TPBGL: variants seen among roughly 807,000 people sequenced by gnomAD.
The protein encoded by TPBGL is trophoblast glycoprotein-like.
For synonymous variants in TPBGL, 380 were observed against 314.8 expected (o/e 1.21, Z -2.19); for missense variants, 685 against 609.4 (o/e 1.12, Z -1.31).
At position 75,240,891 on chromosome 11, in the gene TPBGL, A is replaced by C. The variant is rs775132751; in HGVS notation, c.-159A>C. The C allele has an allele frequency of 7.3e-6, 3 of 412,902 alleles. No individual in the cohort carries two copies. The highest frequency in any genetic ancestry group is 7.0e-4 in the Middle Eastern group (1 of 1,422). The allele number at this position is 412,902 out of a possible 1,614,324, so 25.6% of individuals were successfully genotyped here. The stretch of plus-strand genomic sequence containing the variant: ...CCCTCTTGCCCCCGGCCAGTCAGCC[A>C]GTAAGTGCGGCTCCTCAGACTTTCG... On this transcript the variant is annotated 5_prime_UTR_variant, in exon 1 of 1. Transcript: ENST00000562197.
In TPBGL at chr11:75,241,319, C is replaced by T; in HGVS notation, c.270C>T (p.Gly90=). Reference sequence around the variant, plus strand: ...ACGGGGACGGCGACCAGGCGGCGGGCGTGCGCCTGCCGCTCCTGAGCGCGC... The same window carrying T: ...ACGGGGACGGCGACCAGGCGGCGGGTGTGCGCCTGCCGCTCCTGAGCGCGC... The part of the protein sequence containing the change: ...GGDGDGDQAA[G]VRLPLLSALR... Residue 90 remains glycine, a synonymous_variant, in exon 1 of 1, where the codon GGC becomes GGT. Transcript: ENST00000562197. 1 of 1,345,256 alleles carries T rather than the reference C, an allele frequency of 7.4e-7. No individual in the cohort carries two copies. The highest frequency in any genetic ancestry group is 9.5e-7 in the Non-Finnish European group (1 of 1,054,466). 83.3% of individuals were successfully genotyped at this position (1,345,256 alleles called of 1,614,324 possible).
In TPBGL at chr11:75,242,253, G is replaced by T; in HGVS notation, c.*55G>T. On this transcript the variant is annotated 3_prime_UTR_variant, in exon 1 of 1. Coordinates refer to ENST00000562197, the MANE Select transcript of TPBGL (RefSeq NM_001195528.2). ...GCCTGGCCCGAAGCCGTGGAGATGA[G>T]ACACCCGCGAGCCCCGAGCTCTGAG... 1 of 1,076,164 alleles carries T rather than the reference G, an allele frequency of 9.3e-7. No individual in the cohort carries two copies. The highest frequency in any genetic ancestry group is 4.4e-5 in the South Asian group (1 of 22,858). The allele number at this position is 1,076,164 out of a possible 1,614,324, so 66.7% of individuals were successfully genotyped here. A position where few individuals can be genotyped will look rare whatever the true frequency, so the allele number is the denominator to read the frequency against.
At position 75,243,214 on chromosome 11, in the gene TPBGL, G is replaced by T. The variant is rs1303593794; in HGVS notation, c.*1016G>T. Reference sequence around the variant, plus strand: ...GCAGATCCTTGTAGGGAAGGAGAGAGTCTTGGGTGTGTGAAAGGGATAGTG... The same window carrying T: ...GCAGATCCTTGTAGGGAAGGAGAGATTCTTGGGTGTGTGAAAGGGATAGTG... On this transcript the variant is annotated 3_prime_UTR_variant, in exon 1 of 1. Coordinates refer to ENST00000562197, the MANE Select transcript of TPBGL (RefSeq NM_001195528.2). 6.6e-6 allele frequency: 1 copy of T among 152,324 alleles called. No homozygotes were observed. The highest frequency in any genetic ancestry group is 1.5e-5 in the Non-Finnish European group (1 of 68,118). 9.4% of individuals were successfully genotyped at this position (152,324 alleles called of 1,614,324 possible). A position where few individuals can be genotyped will look rare whatever the true frequency, so the allele number is the denominator to read the frequency against.
Position 75,241,446 on chromosome 11 carries a change from C to G in TPBGL, c.397C>G (p.Leu133Val), listed in dbSNP as rs1249783352. 1.6e-6 allele frequency: 2 copies of G among 1,284,830 alleles called. No homozygotes were observed. The allele number at this position is 1,284,830 out of a possible 1,614,324, so 79.6% of individuals were successfully genotyped here. The change falls in exon 1 of 1, where the codon CTG (leucine) becomes GTG (valine). Residue 133 changes from leucine to valine, a missense_variant. By Grantham distance (32) the Leu-to-Val change is conservative. Transcript: ENST00000562197. ...LDLSHNPLRA[L>V]GGGAFRGLPA... ...CCTCAGCCACAACCCGCTGCGCGCC[C>G]TGGGCGGCGGCGCCTTCCGCGGGCT...
chr11:75,243,626 C>T lies in TPBGL; in HGVS notation c.*1428C>T, dbSNP rs1429131427. ...TTTAATATATTGGCTTGAGGCCTGC[C>T]TGCCCTCCCCATACCCAGAAAATCT... On this transcript the variant is annotated 3_prime_UTR_variant, in exon 1 of 1. Coordinates refer to ENST00000562197, the MANE Select transcript of TPBGL (RefSeq NM_001195528.2). 6.6e-6 allele frequency: 1 copy of T among 152,234 alleles called. No homozygotes were observed. Among genetic ancestry groups the T allele is most frequent in the African/African-American group, 2.4e-5 (1 of 41,444 alleles). 9.4% of individuals were successfully genotyped at this position (152,234 alleles called of 1,614,324 possible).
Position 75,241,139 on chromosome 11 carries a change from G to C in TPBGL, c.90G>C (p.Gln30His), listed in dbSNP as rs1406250690. The change falls in exon 1 of 1, where the codon CAG becomes CAC. Residue 30 changes from glutamine (Q) to histidine (H), a missense_variant. Coordinates refer to ENST00000562197, the MANE Select transcript of TPBGL (RefSeq NM_001195528.2). ...AGCCCGCGGCACCCTGCCCCTTCCA[G>C]TGCTACTGCTTCGGCGGCCCCAAGC... ...LSQPAAPCPF[Q>H]CYCFGGPKLL... The C allele has an allele frequency of 6.2e-6, 9 of 1,447,662 alleles. No individual in the cohort carries two copies. The highest frequency in any genetic ancestry group is 8.2e-6 in the Non-Finnish European group (9 of 1,101,996). The allele number at this position is 1,447,662 out of a possible 1,614,324, so 89.7% of individuals were successfully genotyped here.
rs1945607255 is a variant in TPBGL at position 75,242,195 on chromosome 11, C to T, written c.1146C>T (p.Leu382=). Residue 382 remains leucine (L), a synonymous_variant, in exon 1 of 1, where the codon CTC becomes CTT. Transcript: ENST00000562197. ...GCGCCACCTCCCCGGGCTCGGGGCT[C>T]TGAGCGGCGCCCCCGGGCTCGGGGC... ...GSRATSPGSG[L] is the part of the protein sequence containing the mutation. 8.9e-7 allele frequency: 1 copy of T among 1,120,896 alleles called. No individual in the cohort carries two copies. Among genetic ancestry groups the T allele is most frequent in the Non-Finnish European group, 1.1e-6 (1 of 919,948 alleles). The allele number at this position is 1,120,896 out of a possible 1,614,324, so 69.4% of individuals were successfully genotyped here.
rs977012242 is a variant in TPBGL at position 75,243,023 on chromosome 11, C to G, written c.*825C>G. The G allele has an allele frequency of 6.6e-6, 1 of 152,086 alleles. No individual in the cohort carries two copies. Among genetic ancestry groups the G allele is most frequent in the Admixed American group, 6.5e-5 (1 of 15,286 alleles). 9.4% of individuals were successfully genotyped at this position (152,086 alleles called of 1,614,324 possible). On this transcript the variant is annotated 3_prime_UTR_variant, in exon 1 of 1. Coordinates refer to ENST00000562197, the MANE Select transcript of TPBGL (RefSeq NM_001195528.2). ...TGCCCAAGCCTTTGGCTCTTGACCC[C>G]CCCCCCATACCCAATGCTGGCACTC...
rs1474047791 is a variant in TPBGL, at chr11:75,242,762, C to T, written c.*564C>T. Reference sequence around the variant, plus strand: ...CTCATCTAAGAATATATTTCATACCCCTGCCCCCCCTTCACCCACCCCCGC... The same window carrying T: ...CTCATCTAAGAATATATTTCATACCTCTGCCCCCCCTTCACCCACCCCCGC... On this transcript the variant is annotated 3_prime_UTR_variant, in exon 1 of 1. Coordinates refer to ENST00000562197, the MANE Select transcript of TPBGL (RefSeq NM_001195528.2). 1.3e-5 allele frequency: 2 copies of T among 151,934 alleles called. No homozygotes were observed. Among genetic ancestry groups the T allele is most frequent in the Admixed American group, 1.3e-4 (2 of 15,250 alleles). 9.4% of individuals were successfully genotyped at this position (151,934 alleles called of 1,614,324 possible).
chr11:75,242,074 A>C lies in TPBGL; in HGVS notation c.1025A>C (p.Glu342Ala), dbSNP rs1410830166. The change falls in exon 1 of 1, where the codon GAG becomes GCG. Residue 342 changes from glutamate to alanine, a missense_variant. Physicochemically the swap from Glu to Ala is moderately radical, Grantham distance 107 (BLOSUM62 -1). Transcript: ENST00000562197. Reference sequence around the variant, plus strand: ...CAGCGCTGGATGCGCAACCTGCGCGAGGCGTGCCGGGACCAGATGGAGGGC... The same window carrying C: ...CAGCGCTGGATGCGCAACCTGCGCGCGGCGTGCCGGGACCAGATGGAGGGC... ...GIQRWMRNLR[E>A]ACRDQMEGYH... 6.9e-7 allele frequency: 1 copy of C among 1,441,064 alleles called. No homozygotes were observed. The highest frequency in any genetic ancestry group is 1.8e-4 in the Middle Eastern group (1 of 5,616). 89.3% of individuals were successfully genotyped at this position (1,441,064 alleles called of 1,614,324 possible).
rs1287269877 is a variant in TPBGL at position 75,243,570 on chromosome 11, T to A, written c.*1372T>A. On this transcript the variant is annotated 3_prime_UTR_variant, in exon 1 of 1. Coordinates refer to ENST00000562197, the MANE Select transcript of TPBGL (RefSeq NM_001195528.2). ...TAGATCAGGCAGAATGGCTGGCCTG[T>A]GCTGCGTCTGCACACAGGAAGTCAC... 6.6e-6 allele frequency: 1 copy of A among 152,134 alleles called. No homozygotes were observed. The highest frequency in any genetic ancestry group is 2.1e-4 in the South Asian group (1 of 4,836). 9.4% of individuals were successfully genotyped at this position (152,134 alleles called of 1,614,324 possible). A position where few individuals can be genotyped will look rare whatever the true frequency, so the allele number is the denominator to read the frequency against.
Position 75,242,387 on chromosome 11 carries a change from T to G in TPBGL, c.*189T>G. ...CCGGTCCGAATCCAGAAACCCCGCC[T>G]GCCCACCCTAGTTTCCGAAACCTCC... On this transcript the variant is annotated 3_prime_UTR_variant, in exon 1 of 1. Transcript: ENST00000562197. The G allele has an allele frequency of 1.4e-6, 1 of 696,958 alleles. No homozygotes were observed. Among genetic ancestry groups the G allele is most frequent in the Non-Finnish European group, 1.8e-6 (1 of 558,080 alleles). The allele number at this position is 696,958 out of a possible 1,614,324, so 43.2% of individuals were successfully genotyped here.
Position 75,242,171 on chromosome 11 carries a change from C to T in TPBGL, c.1122C>T (p.Arg374=). The change falls in exon 1 of 1, where the codon CGC becomes CGT. Residue 374 remains arginine (R), a synonymous_variant. Transcript: ENST00000562197. ...CGCCCGCCGCGCCCGCGGGCTCCCG[C>T]GCCACCTCCCCGGGCTCGGGGCTCT... ...APAPAAPAGS[R]ATSPGSGL is the part of the protein sequence containing the mutation. 8.5e-7 allele frequency: 1 copy of T among 1,177,080 alleles called. No homozygotes were observed. Among genetic ancestry groups the T allele is most frequent in the Non-Finnish European group, 1.0e-6 (1 of 956,536 alleles). 72.9% of individuals were successfully genotyped at this position (1,177,080 alleles called of 1,614,324 possible). A position where few individuals can be genotyped will look rare whatever the true frequency, so the allele number is the denominator to read the frequency against.
Position 75,241,926 on chromosome 11 carries a change from C to T in TPBGL, c.877C>T (p.Arg293Cys). Reference protein sequence around the residue: ...LRCADSGADARGEEAEAAGPE... With the variant: ...LRCADSGADACGEEAEAAGPE... Reference sequence around the variant, plus strand: ...CTGCGCGGACAGCGGCGCCGACGCTCGCGGAGAGGAGGCGGAGGCCGCCGG... The same window carrying T: ...CTGCGCGGACAGCGGCGCCGACGCTTGCGGAGAGGAGGCGGAGGCCGCCGG... The change falls in exon 1 of 1, where the codon CGC (arginine) becomes TGC (cysteine). Residue 293 changes from arginine (R) to cysteine (C), a missense_variant. Arg to Cys is a radical substitution (Grantham distance 180). Transcript: ENST00000562197. 1 of 1,482,568 alleles carries T rather than the reference C, an allele frequency of 6.7e-7. No individual in the cohort carries two copies. The highest frequency in any genetic ancestry group is 1.2e-5 in the South Asian group (1 of 80,190). 91.8% of individuals were successfully genotyped at this position (1,482,568 alleles called of 1,614,324 possible).
At position 75,241,881 on chromosome 11, in the gene TPBGL, C is replaced by G. The variant is rs1004243224; in HGVS notation, c.832C>G (p.Leu278Val). Residue 278 changes from leucine (L) to valine (V), a missense_variant, in exon 1 of 1, where the codon CTG becomes GTG. By Grantham distance (32) the Leu-to-Val change is conservative. Transcript: ENST00000562197. Reference sequence around the variant, plus strand: ...GCTGCTAGACCGGCCGCTACTGGACCTGGACGGGGCGCGGCTTCGCTGCGC... The same window carrying G: ...GCTGCTAGACCGGCCGCTACTGGACGTGGACGGGGCGCGGCTTCGCTGCGC... ...RALLDRPLLDLDGARLRCADS... is the reference protein window; with the variant it reads ...RALLDRPLLDVDGARLRCADS... 2.8e-6 allele frequency: 4 copies of G among 1,454,010 alleles called. No homozygotes were observed. The African/African-American group carries it at 4.4e-5, about 16-fold the overall frequency. 90.1% of individuals were successfully genotyped at this position (1,454,010 alleles called of 1,614,324 possible).
At position 75,243,269 on chromosome 11, in the gene TPBGL, A is replaced by G. The variant is rs1253109579; in HGVS notation, c.*1071A>G. 4 of 152,350 alleles carry G rather than the reference A, an allele frequency of 2.6e-5. No homozygotes were observed. The highest frequency in any genetic ancestry group is 1.3e-4 in the Admixed American group (2 of 15,282). The allele number at this position is 152,350 out of a possible 1,614,324, so 9.4% of individuals were successfully genotyped here. A position where few individuals can be genotyped will look rare whatever the true frequency, so the allele number is the denominator to read the frequency against. On this transcript the variant is annotated 3_prime_UTR_variant, in exon 1 of 1. Coordinates refer to ENST00000562197, the MANE Select transcript of TPBGL (RefSeq NM_001195528.2). ...ATCGTGGCCTCAGAGAGGGGCAGGA[A>G]GTGGGGTCTGAAGGGCTGGAAGTTG...
In TPBGL at chr11:75,241,856, G is replaced by T; in HGVS notation, c.807G>T (p.Ala269=). ...GCCTGCGCTGCGCCGCCCCGCGGGC[G>T]CTGCTAGACCGGCCGCTACTGGACC... ...SRRLRCAAPR[A]LLDRPLLDLD... is the part of the protein sequence containing the mutation. The change falls in exon 1 of 1, where the codon GCG becomes GCT. Residue 269 remains alanine (A), a synonymous_variant. Transcript: ENST00000562197. 1.5e-6 allele frequency: 2 copies of T among 1,302,320 alleles called. No homozygotes were observed. The highest frequency in any genetic ancestry group is 1.6e-5 in the African/African-American group (1 of 63,858). 80.7% of individuals were successfully genotyped at this position (1,302,320 alleles called of 1,614,324 possible).
In TPBGL at chr11:75,243,023, C is replaced by T. The variant is rs977012242; in HGVS notation, c.*825C>T. 1.3e-5 allele frequency: 2 copies of T among 152,086 alleles called. No homozygotes were observed. Among genetic ancestry groups the T allele is most frequent in the African/African-American group, 4.8e-5 (2 of 41,352 alleles). The allele number at this position is 152,086 out of a possible 1,614,324, so 9.4% of individuals were successfully genotyped here. A position where few individuals can be genotyped will look rare whatever the true frequency, so the allele number is the denominator to read the frequency against. On this transcript the variant is annotated 3_prime_UTR_variant, in exon 1 of 1. Coordinates refer to ENST00000562197, the MANE Select transcript of TPBGL (RefSeq NM_001195528.2). The stretch of plus-strand genomic sequence containing the variant: ...TGCCCAAGCCTTTGGCTCTTGACCC[C>T]CCCCCCATACCCAATGCTGGCACTC...
In TPBGL at chr11:75,242,131, C is replaced by T; in HGVS notation, c.1082C>T (p.Pro361Leu). 1 of 1,231,752 alleles carries T rather than the reference C, an allele frequency of 8.1e-7. No individual in the cohort carries two copies. Among genetic ancestry groups the T allele is most frequent in the Non-Finnish European group, 1.0e-6 (1 of 988,078 alleles). 76.3% of individuals were successfully genotyped at this position (1,231,752 alleles called of 1,614,324 possible). ...TACCGCTACGAGCAGGACGCCGACCCGCGCCGCGCGCCCGCGCCCGCCGCG... is the reference window on the plus strand; with the variant it reads ...TACCGCTACGAGCAGGACGCCGACCTGCGCCGCGCGCCCGCGCCCGCCGCG... ...YHYRYEQDADPRRAPAPAAPA... is the reference protein window; with the variant it reads ...YHYRYEQDADLRRAPAPAAPA... Residue 361 changes from proline (P) to leucine (L), a missense_variant, in exon 1 of 1, where the codon CCG becomes CTG. Transcript: ENST00000562197.
Sources: gnomAD v4.1 joint callset for allele counts on GRCh38, gnomAD v4.1.1 for gene constraint, MANE v1.5 for transcripts, NCBI Gene and HGNC (gene_info 2026-07-23, HGNC 2026-07-21) for gene names.